The following CP variants were observed in gnomAD, a reference collection of about 807,000 sequenced individuals.
CP encodes ceruloplasmin, also known as caeruloplasmin.
In CP, 64 loss-of-function variants were observed where a neutral mutation model predicts 122.4. That is an observed-to-expected ratio of 0.52 (90% CI 0.43 to 0.64). The LOEUF (loss-of-function observed/expected upper bound fraction) is 0.64. Among genes scored for constraint, CP ranks in the 30% least tolerant of loss-of-function variants. The probability of loss-of-function intolerance (pLI) is 0.00; values close to 1 mark genes in which losing one functional copy is unlikely to be tolerated. For missense variants in CP, 1,167 were observed against 1,284.4 expected (o/e 0.91, Z 1.40); for synonymous variants, 440 against 436.4 (o/e 1.01, Z -0.10).
intron 1 of CP, among the ~76,000 whole-genome samples, chr3:149,220,605 A>T (rs1299080472): frequency 6.6e-6 from 1 of 152,118 alleles, no homozygotes; most frequent in African/African-American, 2.4e-5. Flanking sequence ...GGATATTAGT[A>T]TCTGTTATGT....
At chr3:149,190,386 G>A (rs138200740) in intron 9 of CP, among the ~76,000 whole-genome samples, 1 of 152,204 alleles carries the variant, frequency 6.6e-6, no homozygotes, top group East Asian at 1.9e-4. Context: ...GGCTGGGTGC[G>A]GTGGCTCACA....
intron 5 of CP, 145 bp downstream of exon 5, chr3:149,207,218 A>G (rs1269828438): frequency 2.3e-6 from 2 of 861,278 alleles, no homozygotes; most frequent in African/African-American, 1.7e-5. Context: ...TTTTTTTATT[A>G]CATTATTATA....
chr3:149,202,047 T>G (rs75447948), intron 7 of CP, 55 bp downstream of exon 7: 2 of 1,610,356 alleles, frequency 1.2e-6, no homozygotes, highest in Non-Finnish European at 1.7e-6. Context: ...CTTTCTGAGG[T>G]TGATGTAGCC....
At chr3:149,197,384 A>T (rs2108266452) in intron 9 of CP, among the ~76,000 whole-genome samples, 1 of 152,328 alleles carries the variant, frequency 6.6e-6, no homozygotes, top group East Asian at 1.9e-4. Context: ...TATTACTATT[A>T]TGCAACACTG....
chr3:149,167,992 AT>A (rs397710976), downstream of CP: 2,637 of 1,278,470 alleles, frequency 2.1e-3, no homozygotes, highest in Middle Eastern at 2.7e-3. Flanking sequence ...AGGTAAAATG[AT>A]TTTTTTTTTG....
chr3:149,210,260 C>G lies in CP; in HGVS notation c.514G>C (p.Gly172Arg), dbSNP rs768492670. The change falls in exon 3 of 19, where the codon GGC (glycine) becomes CGC (arginine). Residue 172 changes from glycine to arginine, a missense_variant. Physicochemically the swap from Gly to Arg is moderately radical, Grantham distance 125 (BLOSUM62 -2). Around this residue, in one of 2 missense-constraint regions of CP, gnomAD observed 642 missense variants for 627.3 expected, o/e 1.02. Coordinates refer to ENST00000264613, the MANE Select transcript of CP (RefSeq NM_000096.4). Reference protein sequence around the residue: ...TEEQSPGEGDGNCVTRIYHSH... With the variant: ...TEEQSPGEGDRNCVTRIYHSH... ...TGGTAAATCCTAGTCACACAATTGC[C>G]ATCTCCTTCCCCAGGACTTTGTTCT... 6.6e-5 allele frequency: 107 copies of G among 1,613,936 alleles called. 2 individuals carry two copies. In the South Asian group the frequency reaches 1.1e-3, roughly 17 times the overall value.
chr3:149,203,678 G>A (rs532110932), intron 6 of CP, among the ~76,000 whole-genome samples: 6 of 152,298 alleles, frequency 3.9e-5, no homozygotes, highest in South Asian at 2.1e-4. Flanking sequence ...TTTGACTTGC[G>A]CAAAGCCACC....
At chr3:149,216,624 T>A (rs1357958180) in intron 1 of CP, among the ~76,000 whole-genome samples, 1 of 152,134 alleles carries the variant, frequency 6.6e-6, no homozygotes, top group Non-Finnish European at 1.5e-5. Context: ...AGGAAAACAG[T>A]CAAAAATTAA....
At chr3:149,205,457 C>A (rs1303970489) in intron 6 of CP, among the ~76,000 whole-genome samples, 1 of 151,102 alleles carries the variant, frequency 6.6e-6, no homozygotes, top group African/African-American at 2.4e-5. Context: ...TTCATAGCAA[C>A]ATTAGTCACA....
At chr3:149,205,824 G>A (rs1465175554) in intron 6 of CP, among the ~76,000 whole-genome samples, 2 of 152,256 alleles carry the variant, frequency 1.3e-5, no homozygotes, top group African/African-American at 4.8e-5. Context: ...ATGGATAGTG[G>A]TGACGGCTAT....
intron 5 of CP, among the ~76,000 whole-genome samples, chr3:149,206,762 A>G (rs1344760813): frequency 6.6e-6 from 1 of 152,150 alleles, no homozygotes; most frequent in Non-Finnish European, 1.5e-5. Flanking sequence ...CTTGTACAAG[A>G]TGGTTGTGCA....
intron 7 of CP, among the ~76,000 whole-genome samples, chr3:149,201,253 A>AACT (rs1019058817): frequency 2.0e-5 from 3 of 151,574 alleles, no homozygotes; most frequent in African/African-American, 7.3e-5. Context: ...CCTCCAGAGT[A>AACT]ACTAGGACAG....
chr3:149,192,889 G>A (rs1450577862), intron 9 of CP, among the ~76,000 whole-genome samples: 2 of 151,964 alleles, frequency 1.3e-5, no homozygotes, highest in Non-Finnish European at 2.9e-5. Flanking sequence ...TAAAACGGCA[G>A]AGAACAGCCT....
At chr3:149,183,693 G>A in intron 12 of CP, 88 bp from the exon 13 acceptor site, 1 of 916,498 alleles carries the variant, frequency 1.1e-6, no homozygotes. Flanking sequence ...TAAAAATATA[G>A]TTTTTATTAG....
intron 11 of CP, 91 bp downstream of exon 11, chr3:149,186,429 T>G (rs1726175559): frequency 8.1e-7 from 1 of 1,234,940 alleles, no homozygotes; most frequent in East Asian, 2.5e-5. Flanking sequence ...GGGGAAGGGA[T>G]AAGTTTATCA....
At chr3:149,198,268 G>A in intron 9 of CP, 99 bp downstream of exon 9, 2 of 930,864 alleles carry the variant, frequency 2.1e-6, no homozygotes, top group South Asian at 2.9e-5. Context: ...ATATACTAAA[G>A]TATTTTTGGA....
intron 1 of CP, among the ~76,000 whole-genome samples, chr3:149,215,402 T>TG (rs1225627429): frequency 6.6e-6 from 1 of 152,112 alleles, no homozygotes; most frequent in African/African-American, 2.4e-5. Flanking sequence ...CAAAGTTTTT[T>TG]GGGGGGGTTA....
In CP at chr3:149,202,243, T is replaced by C. The variant is rs386134137; in HGVS notation, c.1209-2A>G. 6.2e-7 allele frequency: 1 copy of C among 1,614,014 alleles called. No homozygotes were observed. Among genetic ancestry groups the C allele is most frequent in the Non-Finnish European group, 8.5e-7 (1 of 1,180,000 alleles). On this transcript the variant is annotated splice_acceptor_variant, in intron 6 of 18. Coordinates refer to ENST00000264613, the MANE Select transcript of CP (RefSeq NM_000096.4). LOFTEE classifies it high-confidence loss of function. The stretch of plus-strand genomic sequence containing the variant: ...TGTTCAAAAAACACCGCTGAGTCAC[T>C]GCAGGGGGAAAAAAGTGTTTAATGC...
intron 11 of CP, chr3:149,186,160 A>T (rs1035532296): frequency 3.0e-6 from 1 of 338,730 alleles, no homozygotes; most frequent in African/African-American, 2.1e-5. Context: ...TAGGCTACAG[A>T]GACATGATGA....
Sources: gnomAD v4.1 joint callset for allele counts (sites outside exome capture counted in the v4.1 genomes callset) on GRCh38, gnomAD v4.1.1 for gene constraint, gnomAD v4.1.1 regional missense constraint, MANE v1.5 for transcripts, NCBI Gene and HGNC (gene_info 2026-07-23, HGNC 2026-07-21) for gene names.